USP25: variants seen among roughly 807,000 people sequenced by gnomAD.
USP25 encodes ubiquitin carboxyl-terminal hydrolase 25.
USP25 carries 85 observed loss-of-function variants against 158.5 expected under a neutral mutation model. The ratio of observed to expected loss-of-function variants is 0.54; its 90% CI spans 0.45 to 0.64. The LOEUF (loss-of-function observed/expected upper bound fraction) is 0.64, where lower values mean the gene tolerates loss of function less well. Ranked by LOEUF, USP25 falls within the 30% of genes least tolerant of loss-of-function variation. The pLI, the probability that USP25 is intolerant of heterozygous loss-of-function variation, is 0.00. For missense variants in USP25, 1,242 were observed against 1,327.3 expected (o/e 0.94, Z 1.00); for synonymous variants, 464 against 460.4 (o/e 1.01, Z -0.10).
At position 15,826,864 on chromosome 21, in the gene USP25, T is replaced by C. The variant is rs2146365188; in HGVS notation, c.1467-113T>C. On this transcript the variant is annotated intron_variant, in intron 13 of 25. Transcript: ENST00000400183. This position sits in a 1 kb window ranked among gnomAD's most constrained non-coding sequence, Gnocchi z 4.8. ...TGTTAGATCAATCCACATATTTCTT[T>C]AAGATTTTTTCTTTTGAATTACAAG... The C allele has an allele frequency of 3.1e-6, 3 of 966,258 alleles. No homozygotes were observed. Among genetic ancestry groups the C allele is most frequent in the East Asian group, 2.5e-5 (1 of 39,474 alleles). 59.9% of individuals were successfully genotyped at this position (966,258 alleles called of 1,614,324 possible).
rs749181992 is a variant in USP25 at position 15,874,437 on chromosome 21, T to C, written c.2920T>C (p.Tyr974His). The C allele has an allele frequency of 1.7e-5, 28 of 1,610,368 alleles. No individual in the cohort carries two copies. The highest frequency in any genetic ancestry group is 2.3e-5 in the Non-Finnish European group (27 of 1,177,748). The change falls in exon 24 of 26, where the codon TAT becomes CAT. Residue 974 changes from tyrosine (Y) to histidine (H), a missense_variant. Coordinates refer to ENST00000400183, the MANE Select transcript of USP25 (RefSeq NM_001283041.3). ...IDSLLFLICA[Y>H]QNNKELLSKG... ...TTCCTTGCTGTTCCTCATCTGTGCT[T>C]ATCAGAATAACAAAGAACTCTTGTC... is the stretch of plus-strand genomic sequence containing the variant.
At chr21:15,857,307 TGAA>T (rs2039200206) in intron 20 of USP25, among the ~76,000 whole-genome samples, 2 of 152,198 alleles carry the variant, frequency 1.3e-5, no homozygotes, top group Non-Finnish European at 2.9e-5. Flanking sequence ...TTCAATATCG[TGAA>T]CATTTTTGTG....
chr21:15,824,138 G>T lies in USP25; in HGVS notation c.1180G>T (p.Glu394Ter). ...GRPEKIHNKL[E>*]FPQVLYLDRY... ...ACCAGAAAAAATTCACAACAAATTA[G>T]AATTTCCCCAAGTTTTATATTTGGA... is the stretch of plus-strand genomic sequence containing the variant. The change falls in exon 11 of 26, where the codon GAA (glutamate) becomes TAA (stop). Residue 394 changes from glutamate (E) to a stop codon, truncating the protein, a stop_gained. Coordinates refer to ENST00000400183, the MANE Select transcript of USP25 (RefSeq NM_001283041.3). LOFTEE classifies it high-confidence loss of function. 6.2e-7 allele frequency: 1 copy of T among 1,613,218 alleles called. No individual in the cohort carries two copies. The highest frequency in any genetic ancestry group is 8.5e-7 in the Non-Finnish European group (1 of 1,179,788).
chr21:15,822,255 G>A (rs2037273260), intron 10 of USP25, among the ~76,000 whole-genome samples: 1 of 151,960 alleles, frequency 6.6e-6, no homozygotes, highest in East Asian at 1.9e-4. Flanking sequence ...TGAATTTACA[G>A]AATGTCTGGT....
chr21:15,740,236 C>T (rs189142311), intron 1 of USP25, among the ~76,000 whole-genome samples: 1 of 152,316 alleles, frequency 6.6e-6, no homozygotes, highest in South Asian at 2.1e-4. Context: ...GCAGATTATT[C>T]TTCTGCACTT....
chr21:15,823,635 T>C (rs780247397), intron 10 of USP25, among the ~76,000 whole-genome samples: 1 of 152,136 alleles, frequency 6.6e-6, no homozygotes, highest in Non-Finnish European at 1.5e-5. Context: ...CTCCCTCTCA[T>C]AAGTTATTTT....
intron 1 of USP25, among the ~76,000 whole-genome samples, chr21:15,755,945 A>G (rs774627385): frequency 5.9e-5 from 9 of 152,168 alleles, no homozygotes; most frequent in Non-Finnish European, 1.0e-4. Context: ...AGAGCAGACA[A>G]TGACCTGGAA....
At chr21:15,812,243 C>G (rs1021423209) in intron 9 of USP25, among the ~76,000 whole-genome samples, 3 of 152,022 alleles carry the variant, frequency 2.0e-5, no homozygotes, top group Non-Finnish European at 4.4e-5. Context: ...AGAACACTAT[C>G]TGATGCAGCG....
chr21:15,825,110 T>G, intron 12 of USP25, 49 bp downstream of exon 12: 1 of 1,365,128 alleles, frequency 7.3e-7, no homozygotes, highest in Non-Finnish European at 1.0e-6. Context: ...AAACCATGTA[T>G]TTGGTGACTA....
intron 20 of USP25, among the ~76,000 whole-genome samples, chr21:15,862,962 G>A (rs186617079): frequency 1.1e-4 from 16 of 151,614 alleles, no homozygotes; most frequent in African/African-American, 3.9e-4. Context: ...ACATCTAGAC[G>A]TCAAAGAATT....
intron 11 of USP25, among the ~76,000 whole-genome samples, chr21:15,824,485 C>T (rs1601034581): frequency 6.6e-6 from 1 of 152,038 alleles, no homozygotes; most frequent in African/African-American, 2.4e-5. Flanking sequence ...GATGTCTGTA[C>T]TTAATATTGT....
chr21:15,760,799 A>G (rs1305664990), intron 1 of USP25, among the ~76,000 whole-genome samples: 1 of 152,212 alleles, frequency 6.6e-6, no homozygotes, highest in Non-Finnish European at 1.5e-5. Context: ...TGCAGGCATC[A>G]TGCCCCTTTA....
rs375432332 is a variant in USP25, at chr21:15,762,912, C to G, written c.67C>G (p.Gln23Glu). The stretch of plus-strand genomic sequence containing the variant: ...CTAGCACCAGCAGACGTTTTTGAAT[C>G]AACTGAGAGAAATTACGGGGATTAA... The part of the protein sequence containing the change: ...AQKHQQTFLN[Q>E]LREITGINDT... Residue 23 changes from glutamine to glutamate, a missense_variant, in exon 2 of 26, where the codon CAA (glutamine) becomes GAA (glutamate). Gln to Glu is a conservative substitution (Grantham distance 29). This residue lies in a region of USP25 where 627 missense variants were observed against 701.4 expected (regional missense o/e 0.89). Coordinates refer to ENST00000400183, the MANE Select transcript of USP25 (RefSeq NM_001283041.3). The G allele has an allele frequency of 1.2e-6, 2 of 1,612,516 alleles. No homozygotes were observed. The highest frequency in any genetic ancestry group is 1.7e-6 in the Non-Finnish European group (2 of 1,179,120).
intron 2 of USP25, among the ~76,000 whole-genome samples, chr21:15,763,466 G>A (rs1207432815): frequency 2.0e-5 from 3 of 152,040 alleles, no homozygotes; most frequent in Non-Finnish European, 4.4e-5. Context: ...CTTCAGTATA[G>A]GCAACAACTA....
chr21:15,829,138 A>G (rs1216459898), intron 14 of USP25, among the ~76,000 whole-genome samples: 4 of 152,198 alleles, frequency 2.6e-5, no homozygotes, highest in East Asian at 3.9e-4. Flanking sequence ...TTCGATATAC[A>G]TATTTATACA....
rs2038703589 is a variant in USP25 at position 15,847,895 on chromosome 21, C to T, written c.2451+119C>T. ...ATTGCCACATAACATACAGCTTTGC[C>T]CCCTCATAGTCCAAAATTACTTTAC... is the stretch of plus-strand genomic sequence containing the variant. On this transcript the variant is annotated intron_variant, in intron 19 of 25. Coordinates refer to ENST00000400183, the MANE Select transcript of USP25 (RefSeq NM_001283041.3). 8.0e-6 allele frequency: 4 copies of T among 498,986 alleles called. No homozygotes were observed. The East Asian group carries it at 1.2e-4, about 15-fold the overall frequency. The allele number at this position is 498,986 out of a possible 1,614,324, so 30.9% of individuals were successfully genotyped here.
rs189806368 is a variant in USP25, at chr21:15,754,081, T to C, written c.46-8810T>C. On this transcript the variant is annotated intron_variant, in intron 1 of 25. Transcript: ENST00000400183. ...GTAGATTTCCTTTAAAAATGGATTT[T>C]TTTTCACAAAAGGACAGTTTTTCAA... Among the ~76,000 whole-genome samples, 280 of 152,316 alleles carry C rather than the reference T, an allele frequency of 1.8e-3. 1 individual carries two copies. Among genetic ancestry groups the C allele is most frequent in the African/African-American group, 5.9e-3 (246 of 41,558 alleles).
At position 15,816,234 on chromosome 21, in the gene USP25, CT is replaced by C; in HGVS notation, c.932-2462del. On this transcript the variant is annotated intron_variant, in intron 9 of 25. Transcript: ENST00000400183. This position sits in a 1 kb window ranked among gnomAD's most constrained non-coding sequence, Gnocchi z 4.0. The stretch of plus-strand genomic sequence containing the variant: ...CACTTTTGCTTCTTCCTCATCTTCT[CT>C]TGCCTCTGCCATGTAAGAAGTGCCT... Among the ~76,000 whole-genome samples the C allele has an allele frequency of 6.6e-6, 1 of 152,280 alleles. No individual in the cohort carries two copies. The highest frequency in any genetic ancestry group is 2.1e-4 in the South Asian group (1 of 4,822).
rs750486715 is a variant in USP25, at chr21:15,730,356, GCGCCACCGCCGC to G, written c.-33_-22del. On this transcript the variant is annotated 5_prime_UTR_variant, in exon 1 of 26. Transcript: ENST00000400183. ...GGCCGGCGGAGGCGCGAGGAGCCGGGCGCCACCGCCGCCGCCGCCGCCGCCGCCGCGGGGGCC... is the reference window on the plus strand; with the variant it reads ...GGCCGGCGGAGGCGCGAGGAGCCGGGCGCCGCCGCCGCCGCCGCGGGGGCC... 2,287 of 1,171,372 alleles carry G rather than the reference GCGCCACCGCCGC, an allele frequency of 2.0e-3. 36 individuals are homozygous for G. The African/African-American group carries it at 0.036, about 18-fold the overall frequency. 72.6% of individuals were successfully genotyped at this position (1,171,372 alleles called of 1,614,324 possible).
Sources: allele counts gnomAD v4.1 joint callset (sites outside exome capture counted in the v4.1 genomes callset), GRCh38; gene constraint gnomAD v4.1.1; regional missense constraint gnomAD v4.1.1; non-coding constraint Gnocchi (gnomAD v3.1); transcripts MANE v1.5; gene names NCBI Gene and HGNC (gene_info 2026-07-23, HGNC 2026-07-21).